Variants in SPTB observed in about 807,000 individuals in gnomAD.
SPTB encodes the protein spectrin beta, erythrocytic, also known as spectrin beta chain, erythrocytic.
Under a neutral mutation model 256.2 loss-of-function variants are expected in SPTB, and 45 were observed. The observed-to-expected ratio is 0.18, with a 90% confidence interval of 0.14 to 0.23. The LOEUF (loss-of-function observed/expected upper bound fraction) is 0.23. SPTB is among the 10% of genes least tolerant of loss of function. SPTB has a pLI of 1.00. For missense variants in SPTB, 2,715 were observed against 3,040.4 expected, an observed-to-expected ratio of 0.89 and a Z score of 2.52; for synonymous variants, 1,231 against 1,243.1, an observed-to-expected ratio of 0.99 and a Z score of 0.21.
rs1290331499 is a variant in SPTB at position 64,778,859 on chromosome 14, A to G, written c.4563+298T>C. 6.6e-6 allele frequency among the ~76,000 whole-genome samples: 1 copy of G among 151,496 alleles called. No homozygotes were observed. The highest frequency in any genetic ancestry group is 1.5e-5 in the Non-Finnish European group (1 of 67,848). ...AATACACAGCTACTGAAGCACATCA[A>G]CCTCCAGGCCAGGCCCCCGAGATCC... is the stretch of plus-strand genomic sequence containing the variant. On this transcript the variant is annotated intron_variant, in intron 22 of 35. Coordinates refer to ENST00000644917, the MANE Select transcript of SPTB (RefSeq NM_001355436.2). The surrounding 1 kb of genome is among the most constrained non-coding windows in gnomAD (Gnocchi z 5.2).
At chr14:64,856,125 GAAA>G (rs2083868977) in intron 1 of SPTB, among the ~76,000 whole-genome samples, 1 of 152,240 alleles carries the variant, frequency 6.6e-6, no homozygotes. Context: ...TTTCAGAAAA[GAAA>G]GCAATGTGCT....
rs748190264 is a variant in SPTB at position 64,793,100 on chromosome 14, C to T, written c.2563G>A (p.Gly855Arg). Residue 855 changes from glycine (G) to arginine (R), a missense_variant, in exon 14 of 36, where the codon GGG becomes AGG. By Grantham distance (125) the Gly-to-Arg change is moderately radical. Coordinates refer to ENST00000644917, the MANE Select transcript of SPTB (RefSeq NM_001355436.2). This position sits in a 1 kb window ranked among gnomAD's most constrained non-coding sequence, Gnocchi z 7.0. ...QEALDLYTVF[G>R]ETDACELWMG... ...CACAGCTCACAGGCGTCTGTCTCCC[C>T]GAACACCGTGTACAGGTCCAGGGCT... 43 of 1,614,020 alleles carry T rather than the reference C, an allele frequency of 2.7e-5. No homozygotes were observed. Among genetic ancestry groups the T allele is most frequent in the Middle Eastern group, 1.6e-4 (1 of 6,084 alleles).
At chr14:64,797,173 C>A (rs2082786097) in intron 10 of SPTB, among the ~76,000 whole-genome samples, 1 of 151,850 alleles carries the variant, frequency 6.6e-6, no homozygotes, top group Non-Finnish European at 1.5e-5. Flanking sequence ...AAACTGGCTC[C>A]AAAAAAATGG....
chr14:64,770,471 C>T lies in SPTB; in HGVS notation c.5798+414G>A, dbSNP rs1291863709. Among the ~76,000 whole-genome samples, 4 of 152,320 alleles carry T rather than the reference C, an allele frequency of 2.6e-5. 1 individual carries two copies. The highest frequency in any genetic ancestry group is 9.6e-5 in the African/African-American group (4 of 41,564). ...CTCTCACTGCCCACATGCCTGACTCCTCCTCTCATGGACGATGAGCTTCTT... is the reference window on the plus strand; with the variant it reads ...CTCTCACTGCCCACATGCCTGACTCTTCCTCTCATGGACGATGAGCTTCTT... On this transcript the variant is annotated intron_variant, in intron 27 of 35. Transcript: ENST00000644917.
At chr14:64,828,655 AC>A (rs955970898) in intron 1 of SPTB, among the ~76,000 whole-genome samples, 2 of 152,180 alleles carry the variant, frequency 1.3e-5, no homozygotes, top group Admixed American at 1.3e-4. Flanking sequence ...GAAACTTGTG[AC>A]CCAGTCCTAC....
At chr14:64,784,719 A>T (rs1226537370) in intron 18 of SPTB, among the ~76,000 whole-genome samples, 1 of 152,240 alleles carries the variant, frequency 6.6e-6, no homozygotes, top group Non-Finnish European at 1.5e-5. Flanking sequence ...TGTTTACTGG[A>T]TAGGTGGATA....
intron 28 of SPTB, among the ~76,000 whole-genome samples, 157 bp downstream of exon 28, chr14:64,769,433 A>G (rs2082244269): frequency 6.6e-6 from 1 of 152,152 alleles, no homozygotes; most frequent in Non-Finnish European, 1.5e-5. Flanking sequence ...TGGGGCTCCA[A>G]TCCCCGGGCC....
rs781158825 is a variant in SPTB at position 64,793,098 on chromosome 14, C to T, written c.2565G>A (p.Gly855=). The change falls in exon 14 of 36, where the codon GGG becomes GGA. Residue 855 remains glycine, a synonymous_variant. Transcript: ENST00000644917. The surrounding 1 kb of genome is among the most constrained non-coding windows in gnomAD (Gnocchi z 7.0). The stretch of plus-strand genomic sequence containing the variant: ...TCCACAGCTCACAGGCGTCTGTCTC[C>T]CCGAACACCGTGTACAGGTCCAGGG... The part of the protein sequence containing the change: ...QEALDLYTVF[G]ETDACELWMG... 6.2e-7 allele frequency: 1 copy of T among 1,614,154 alleles called. No homozygotes were observed.
In SPTB at chr14:64,779,107, G is replaced by A. The variant is rs778152536; in HGVS notation, c.4563+50C>T. ...GCTGGGCCTACCCCCGTGGGGCCAG[G>A]TGGGGGTGAGGAGGGGTGGGTGGGG... On this transcript the variant is annotated intron_variant, in intron 22 of 35. Transcript: ENST00000644917. The surrounding 1 kb of genome is among the most constrained non-coding windows in gnomAD (Gnocchi z 4.2). 13 of 1,502,208 alleles carry A rather than the reference G, an allele frequency of 8.7e-6. No individual in the cohort carries two copies. The highest frequency in any genetic ancestry group is 1.4e-5 in the African/African-American group (1 of 71,770). The allele number at this position is 1,502,208 out of a possible 1,614,324, so 93.1% of individuals were successfully genotyped here.
In SPTB at chr14:64,785,841, G is replaced by A. The variant is rs1440623025; in HGVS notation, c.3672C>T (p.Val1224=). Residue 1224 remains valine (V), a synonymous_variant, in exon 17 of 36, where the codon GTC becomes GTT. Coordinates refer to ENST00000644917, the MANE Select transcript of SPTB (RefSeq NM_001355436.2). This position sits in a 1 kb window ranked among gnomAD's most constrained non-coding sequence, Gnocchi z 4.4. ...TGTTTCCAGAGTCCACAGGACTCAA[G>A]ACCTTATCCCGGTTGTTCTCCATAG... The part of the protein sequence containing the change: ...LGSMENNRDK[V]LSPVDSGNKL... 3.7e-6 allele frequency: 6 copies of A among 1,613,970 alleles called. No individual in the cohort carries two copies. The highest frequency in any genetic ancestry group is 1.6e-4 in the Middle Eastern group (1 of 6,084).
At chr14:64,761,343 G>A (rs2082090549) in intron 32 of SPTB, among the ~76,000 whole-genome samples, 1 of 152,202 alleles carries the variant, frequency 6.6e-6, no homozygotes, top group African/African-American at 2.4e-5. Flanking sequence ...AAGGTGGGCA[G>A]AGACAGACGC....
intron 19 of SPTB, 99 bp from the exon 20 acceptor site, chr14:64,782,652 G>A (rs1346993703): frequency 1.3e-6 from 2 of 1,542,496 alleles, no homozygotes; most frequent in Non-Finnish European, 1.8e-6. Context: ...GAGGAGGTCA[G>A]TAAGGCAAAG....
At position 64,786,581 on chromosome 14, in the gene SPTB, G is replaced by C. The variant is rs767091844; in HGVS notation, c.3384C>G (p.Ile1128Met). The C allele has an allele frequency of 6.2e-7, 1 of 1,614,164 alleles. No homozygotes were observed. The highest frequency in any genetic ancestry group is 1.1e-5 in the South Asian group (1 of 91,078). Residue 1128 changes from isoleucine (I) to methionine (M), a missense_variant, in exon 16 of 36, where the codon ATC becomes ATG. Ile to Met is a conservative substitution (Grantham distance 10). Coordinates refer to ENST00000644917, the MANE Select transcript of SPTB (RefSeq NM_001355436.2). The surrounding 1 kb of genome is among the most constrained non-coding windows in gnomAD (Gnocchi z 5.6). ...GATACTCTGGGTCCGTCTGGCCTTG[G>C]ATCACTTTCTCCCCAGACTCCTTAA... ...QRVKESGEKV[I>M]QGQTDPEYLL... is the part of the protein sequence containing the mutation.
chr14:64,845,452 T>C lies in SPTB; in HGVS notation c.-51-22307A>G, dbSNP rs1021039824. Among the ~76,000 whole-genome samples, 8 of 152,310 alleles carry C rather than the reference T, an allele frequency of 5.3e-5. No individual in the cohort carries two copies. Among genetic ancestry groups the C allele is most frequent in the Middle Eastern group, 3.4e-3 (1 of 294 alleles). On this transcript the variant is annotated intron_variant, in intron 1 of 35. Coordinates refer to ENST00000644917, the MANE Select transcript of SPTB (RefSeq NM_001355436.2). The surrounding 1 kb of genome is among the most constrained non-coding windows in gnomAD (Gnocchi z 4.8). ...TATAATCTTAGCCCTTTGATGAAAA[T>C]ACCTGCCAGTCTCCTCATCTCCATC...
At chr14:64,762,540 G>T (rs1164686419) in intron 32 of SPTB, among the ~76,000 whole-genome samples, 7 of 152,232 alleles carry the variant, frequency 4.6e-5, no homozygotes, top group African/African-American at 1.7e-4. Context: ...CCTCACGTTC[G>T]TAAGTGCTGG....
chr14:64,803,867 C>T (rs2082934077), intron 3 of SPTB, 87 bp from the exon 4 acceptor site: 3 of 1,405,130 alleles, frequency 2.1e-6, no homozygotes, highest in Non-Finnish European at 2.9e-6. Flanking sequence ...CTGTCATAAG[C>T]ACCCACCCTC....
intron 28 of SPTB, 115 bp downstream of exon 28, chr14:64,769,475 C>A (rs1198140850): frequency 5.0e-6 from 7 of 1,411,196 alleles, no homozygotes; most frequent in Non-Finnish European, 6.8e-6. Context: ...TGAGTGAGAG[C>A]AAGACAAGCT....
At chr14:64,763,665 G>A in intron 32 of SPTB, 1 of 509,828 alleles carries the variant, frequency 2.0e-6, no homozygotes, top group Non-Finnish European at 4.0e-6. Context: ...ACAGAATTAA[G>A]GACTAGAACC....
intron 19 of SPTB, among the ~76,000 whole-genome samples, chr14:64,783,329 G>A (rs576843209): frequency 1.1e-4 from 16 of 152,194 alleles, no homozygotes; most frequent in Non-Finnish European, 2.4e-4. Context: ...AGTCTCCTGA[G>A]TAGCTGGGAT....
Sources: allele counts gnomAD v4.1 joint callset (sites outside exome capture counted in the v4.1 genomes callset), GRCh38; gene constraint gnomAD v4.1.1; non-coding constraint Gnocchi (gnomAD v3.1); transcripts MANE v1.5; gene names NCBI Gene and HGNC (gene_info 2026-07-23, HGNC 2026-07-21).